Variants in COL25A1 observed in about 807,000 individuals in gnomAD.
COL25A1 encodes the protein collagen type XXV alpha 1 chain.
Under a neutral mutation model 128.4 loss-of-function variants are expected in COL25A1, and 103 were observed. The observed-to-expected ratio is 0.80, with a 90% CI of 0.68 to 0.94. COL25A1 has a LOEUF of 0.94. COL25A1 is among the 40% of genes least tolerant of loss of function. The pLI is 0.00. For synonymous variants in COL25A1, 279 were observed against 277.2 expected (o/e 1.01, Z -0.06); for missense variants, 745 against 840.0 (o/e 0.89, Z 1.40).
chr4:109,233,024 C>G lies in COL25A1; in HGVS notation c.367+67559G>C, dbSNP rs17040134. ...GAAGTCCAAAATGATAGAATTGGAC[C>G]AAATGTTAGCAAAAACTATTTCTGG... On this transcript the variant is annotated intron_variant, in intron 3 of 37. Coordinates refer to ENST00000399132, the MANE Select transcript of COL25A1 (RefSeq NM_198721.4). 8.3e-3 allele frequency among the ~76,000 whole-genome samples: 1,268 copies of G among 152,214 alleles called. 8 individuals are homozygous for G. The highest frequency in any genetic ancestry group is 0.02 in the Middle Eastern group (6 of 294).
intron 3 of COL25A1, among the ~76,000 whole-genome samples, chr4:109,092,002 C>G (rs1764955995): frequency 6.6e-6 from 1 of 152,186 alleles, no homozygotes; most frequent in African/African-American, 2.4e-5. Context: ...CAATGGATGA[C>G]AGCCCAAGGA....
chr4:109,280,899 C>T (rs1482424844), intron 3 of COL25A1, among the ~76,000 whole-genome samples: 2 of 152,014 alleles, frequency 1.3e-5, no homozygotes, highest in African/African-American at 4.8e-5. Flanking sequence ...CCCACCTCGA[C>T]CTCCCAAAGT....
rs142866859 is a variant in COL25A1 at position 109,106,908 on chromosome 4, C to T, written c.368-56729G>A. 3.9e-5 allele frequency among the ~76,000 whole-genome samples: 6 copies of T among 152,190 alleles called. No individual in the cohort carries two copies. The East Asian group carries it at 1.2e-3, about 29-fold the overall frequency. On this transcript the variant is annotated intron_variant, in intron 3 of 37. Coordinates refer to ENST00000399132, the MANE Select transcript of COL25A1 (RefSeq NM_198721.4). ...TCAGCTTCCAGAGTAGCTGGGACTA[C>T]AGGCGCAGGCTACCTCGCTCTGCTA...
chr4:109,284,476 T>C (rs1723681057), intron 3 of COL25A1, among the ~76,000 whole-genome samples: 1 of 152,130 alleles, frequency 6.6e-6, no homozygotes, highest in Non-Finnish European at 1.5e-5. Context: ...AGGAACACAG[T>C]TGAAAGCACT....
chr4:109,209,731 T>C (rs190103876), intron 3 of COL25A1, among the ~76,000 whole-genome samples: 56 of 152,242 alleles, frequency 3.7e-4, no homozygotes, highest in African/African-American at 9.9e-4. Flanking sequence ...CTGTATCTTA[T>C]GTTTTCATTG....
chr4:108,968,764 T>C lies in COL25A1; in HGVS notation c.492+5603A>G, dbSNP rs76924657. Among the ~76,000 whole-genome samples, 183 of 152,156 alleles carry C rather than the reference T, an allele frequency of 1.2e-3. 4 individuals carry two copies. In the East Asian group the frequency reaches 0.031, roughly 25 times the overall value. ...AGAATTCTAGTCTCATGTTTCTGTT[T>C]GTTACACTATTCCAATGAAATATCT... On this transcript the variant is annotated intron_variant, in intron 8 of 37. Coordinates refer to ENST00000399132, the MANE Select transcript of COL25A1 (RefSeq NM_198721.4).
At chr4:109,118,574 G>A (rs890621256) in intron 3 of COL25A1, among the ~76,000 whole-genome samples, 1 of 151,868 alleles carries the variant, frequency 6.6e-6, no homozygotes, top group Admixed American at 6.6e-5. Flanking sequence ...GAAAGCTGGA[G>A]TAACTATATT....
chr4:109,196,498 T>C (rs1463530232), intron 3 of COL25A1, among the ~76,000 whole-genome samples: 1 of 152,188 alleles, frequency 6.6e-6, no homozygotes, highest in Non-Finnish European at 1.5e-5. Context: ...AATATAGCTG[T>C]ATGCACAGAT....
intron 3 of COL25A1, among the ~76,000 whole-genome samples, chr4:109,231,231 T>A (rs1324700960): frequency 2.0e-5 from 3 of 151,938 alleles, no homozygotes; most frequent in Admixed American, 6.6e-5. Flanking sequence ...CCAGTGAGAG[T>A]TACAATATAA....
At chr4:109,150,069 G>T (rs1227270785) in intron 3 of COL25A1, among the ~76,000 whole-genome samples, 2 of 151,480 alleles carry the variant, frequency 1.3e-5, no homozygotes, top group Admixed American at 1.3e-4. Flanking sequence ...TATGCAGTGT[G>T]TATGTGTGTT....
At chr4:108,853,249 G>A (rs939812222) in intron 24 of COL25A1, among the ~76,000 whole-genome samples, 2 of 152,074 alleles carry the variant, frequency 1.3e-5, no homozygotes, top group African/African-American at 4.8e-5. Flanking sequence ...TGTGAACTGA[G>A]AAATTTTGCT....
At chr4:108,929,219 G>A (rs1746438967) in intron 11 of COL25A1, among the ~76,000 whole-genome samples, 1 of 152,048 alleles carries the variant, frequency 6.6e-6, no homozygotes, top group African/African-American at 2.4e-5. Context: ...TGCCTCCCAG[G>A]TTCAAGTGAT....
intron 19 of COL25A1, among the ~76,000 whole-genome samples, chr4:108,883,195 T>C (rs1193737435): frequency 6.6e-6 from 1 of 151,982 alleles, no homozygotes; most frequent in African/African-American, 2.4e-5. Flanking sequence ...TCAGATAATT[T>C]TTTTTGTATT....
intron 5 of COL25A1, among the ~76,000 whole-genome samples, chr4:109,023,734 G>A (rs1467597820): frequency 6.6e-6 from 1 of 152,142 alleles, no homozygotes; most frequent in East Asian, 1.9e-4. Context: ...AAGCGCTGAT[G>A]GCAGATACAG....
chr4:108,847,573 C>G (rs973361544), intron 27 of COL25A1, among the ~76,000 whole-genome samples: 1 of 151,608 alleles, frequency 6.6e-6, no homozygotes, highest in Non-Finnish European at 1.5e-5. Context: ...TAGAAGAAGA[C>G]CTTGCAAAGC....
intron 6 of COL25A1, among the ~76,000 whole-genome samples, chr4:108,981,409 G>C (rs1023356092): frequency 6.6e-6 from 1 of 152,110 alleles, no homozygotes; most frequent in African/African-American, 2.4e-5. Flanking sequence ...CTACAAATGT[G>C]AAAATTTTAA....
At chr4:109,263,771 C>T (rs1282027320) in intron 3 of COL25A1, among the ~76,000 whole-genome samples, 2 of 152,218 alleles carry the variant, frequency 1.3e-5, no homozygotes, top group East Asian at 1.9e-4. Flanking sequence ...TTACTAAATA[C>T]TCTTCTCTCC....
chr4:109,101,892 A>G (rs1765930418), intron 3 of COL25A1, among the ~76,000 whole-genome samples: 1 of 152,154 alleles, frequency 6.6e-6, no homozygotes, highest in African/African-American at 2.4e-5. Flanking sequence ...ATGAAAACTC[A>G]CAACCAAGAG....
chr4:108,978,568 G>T (rs1752662801), intron 6 of COL25A1, among the ~76,000 whole-genome samples: 1 of 151,880 alleles, frequency 6.6e-6, no homozygotes, highest in Admixed American at 6.6e-5. Context: ...CATTAAAAAA[G>T]CTAACTAGTA....
Sources: gnomAD v4.1 joint callset for allele counts (sites outside exome capture counted in the v4.1 genomes callset) on GRCh38, gnomAD v4.1.1 for gene constraint, MANE v1.5 for transcripts, NCBI Gene and HGNC (gene_info 2026-07-23, HGNC 2026-07-21) for gene names.